The following SVEP1 variants were observed in gnomAD, a reference collection of about 807,000 sequenced individuals.
The protein encoded by SVEP1 is sushi, von Willebrand factor type A, EGF and pentraxin domain containing 1, also known as sushi, von Willebrand factor type A, EGF and pentraxin domain-containing protein 1.
A neutral mutation model predicts 367.3 loss-of-function variants in SVEP1; 164 were observed. That is an observed-to-expected ratio of 0.45 (90% CI 0.39 to 0.51). SVEP1 has a LOEUF of 0.51. Ranked by LOEUF, SVEP1 falls within the 20% of genes least tolerant of loss-of-function variation. The pLI, the probability that SVEP1 is intolerant of heterozygous loss-of-function variation, is 0.00. For missense variants in SVEP1, 4,117 were observed against 4,425.3 expected (o/e 0.93, Z 1.98); for synonymous variants, 1,666 against 1,611.6 (o/e 1.03, Z -0.81).
chr9:110,409,146 T>A (rs745323739), intron 37 of SVEP1, among the ~76,000 whole-genome samples, 195 bp from the exon 38 acceptor site: 25 of 152,110 alleles, frequency 1.6e-4, no homozygotes, highest in Admixed American at 7.2e-4. Flanking sequence ...TAGTAGAAAG[T>A]CAACTTAGGC....
At chr9:110,535,692 G>C (rs1411023399) in intron 3 of SVEP1, among the ~76,000 whole-genome samples, 2 of 152,068 alleles carry the variant, frequency 1.3e-5, no homozygotes, top group Non-Finnish European at 2.9e-5. Flanking sequence ...TTTGAGCAGT[G>C]TGTTGTCATT....
Position 110,427,468 on chromosome 9 carries a change from A to C in SVEP1, c.5975+123T>G, listed in dbSNP as rs1300359033. 4 of 1,167,434 alleles carry C rather than the reference A, an allele frequency of 3.4e-6. No homozygotes were observed. In the South Asian group the frequency reaches 6.2e-5, roughly 18 times the overall value. 72.3% of individuals were successfully genotyped at this position (1,167,434 alleles called of 1,614,324 possible). Reference sequence around the variant, plus strand: ...TCTGCAGGTAGGAAATAAAAGCATAAGGCTCTCTTTGTCTTTGGCTGCCAG... The same window carrying C: ...TCTGCAGGTAGGAAATAAAAGCATACGGCTCTCTTTGTCTTTGGCTGCCAG... On this transcript the variant is annotated intron_variant, in intron 36 of 47. Coordinates refer to ENST00000374469, the MANE Select transcript of SVEP1 (RefSeq NM_153366.4).
intron 37 of SVEP1, among the ~76,000 whole-genome samples, chr9:110,409,247 C>A (rs1828007418): frequency 6.6e-6 from 1 of 152,020 alleles, no homozygotes; most frequent in Admixed American, 6.6e-5. Context: ...ACCAGCCTGG[C>A]CAACATGGTG....
chr9:110,481,521 A>G, intron 11 of SVEP1, 85 bp from the exon 12 acceptor site: 1 of 988,260 alleles, frequency 1.0e-6, no homozygotes, highest in Non-Finnish European at 1.4e-6. Context: ...AATTTTGAAA[A>G]GGACTCCTCC....
chr9:110,451,031 GT>G (rs970548756), intron 23 of SVEP1, among the ~76,000 whole-genome samples: 1 of 151,970 alleles, frequency 6.6e-6, no homozygotes, highest in Non-Finnish European at 1.5e-5. Flanking sequence ...CTTCTTGAAA[GT>G]TTGCCTTTAC....
chr9:110,390,347 ACACTT>A (rs374353532), intron 40 of SVEP1, among the ~76,000 whole-genome samples: 4 of 44,950 alleles, frequency 8.9e-5, no homozygotes, highest in East Asian at 3.4e-4. Flanking sequence ...ATACTTATAT[ACACTT>A]ATATATATAT....
chr9:110,430,123 G>GGT (rs199699292), intron 33 of SVEP1, 119 bp from the exon 34 acceptor site: 196,135 of 905,790 alleles, frequency 0.22, 12,251 homozygotes, highest in African/African-American at 0.36. Context: ...TTTTTTTTTT[G>GGT]GTGTGTGTGT....
chr9:110,390,699 C>G (rs903527114), intron 40 of SVEP1, among the ~76,000 whole-genome samples: 4 of 151,908 alleles, frequency 2.6e-5, no homozygotes, highest in African/African-American at 4.8e-5. Flanking sequence ...TGGCTGCACA[C>G]ACGAATCACC....
intron 2 of SVEP1, among the ~76,000 whole-genome samples, chr9:110,549,102 T>TTA (rs1830253173): frequency 6.6e-6 from 1 of 152,182 alleles, no homozygotes; most frequent in Admixed American, 6.5e-5. Context: ...CAAGCCTAAT[T>TTA]TGCCATATCA....
intron 3 of SVEP1, among the ~76,000 whole-genome samples, chr9:110,529,577 C>T (rs7853098): frequency 0.68 from 102,969 of 151,512 alleles, 35,894 homozygotes; most frequent in Admixed American, 0.77. Flanking sequence ...GATGGTTCAC[C>T]TCCTTGGTTA....
intron 22 of SVEP1, among the ~76,000 whole-genome samples, chr9:110,454,978 CATAA>C (rs1828755995): frequency 6.6e-6 from 1 of 152,024 alleles, no homozygotes; most frequent in Non-Finnish European, 1.5e-5. Flanking sequence ...TTATTTAAGT[CATAA>C]ATAAAGACAA....
At chr9:110,370,097 T>G in intron 46 of SVEP1, 81 bp from the exon 47 acceptor site, 1 of 1,250,246 alleles carries the variant, frequency 8.0e-7, no homozygotes. Context: ...AGGATAAGAT[T>G]TGACTCTACT....
chr9:110,424,284 C>A (rs756690602), intron 36 of SVEP1, among the ~76,000 whole-genome samples: 1 of 151,942 alleles, frequency 6.6e-6, no homozygotes, highest in Non-Finnish European at 1.5e-5. Flanking sequence ...CTCGTTCTGA[C>A]AAGAAAATAC....
At chr9:110,405,793 C>A (rs1327537) in intron 38 of SVEP1, among the ~76,000 whole-genome samples, 148,428 of 152,320 alleles carry the variant, frequency 0.97, 72,357 homozygotes, top group African/African-American at 0.99. Context: ...TTGCATGTGT[C>A]AATATAATCA....
rs1325357619 is a variant in SVEP1 at position 110,412,030 on chromosome 9, G to C, written c.5976-295C>G. Among the ~76,000 whole-genome samples the C allele has an allele frequency of 4.6e-5, 7 of 152,066 alleles. No homozygotes were observed. The East Asian group carries it at 1.3e-3, about 29-fold the overall frequency. ...TATTGATCAAATGACTTGCATTTGA[G>C]ATATATCAATACATTGTGATATTAA... is the stretch of plus-strand genomic sequence containing the variant. On this transcript the variant is annotated intron_variant, in intron 36 of 47. Coordinates refer to ENST00000374469, the MANE Select transcript of SVEP1 (RefSeq NM_153366.4).
At chr9:110,432,266 A>T (rs1828362177) in intron 31 of SVEP1, among the ~76,000 whole-genome samples, 196 bp downstream of exon 31, 1 of 152,230 alleles carries the variant, frequency 6.6e-6, no homozygotes, top group Non-Finnish European at 1.5e-5. Flanking sequence ...TATAGTCTTA[A>T]TATGGAGCCT....
At chr9:110,494,756 G>GT (rs1022727129) in intron 8 of SVEP1, among the ~76,000 whole-genome samples, 7 of 150,858 alleles carry the variant, frequency 4.6e-5, no homozygotes, top group Admixed American at 3.3e-4. Flanking sequence ...ATATAGTGGG[G>GT]TTTTTTTCCC....
chr9:110,483,554 C>T (rs769514504), intron 10 of SVEP1, 32 bp downstream of exon 10: 8 of 1,524,012 alleles, frequency 5.2e-6, no homozygotes. Context: ...TTCATTGCTA[C>T]TATGCTGACA....
In SVEP1 at chr9:110,432,352, G is replaced by A. The variant is rs1588050402; in HGVS notation, c.5233+110C>T. 4 of 1,372,268 alleles carry A rather than the reference G, an allele frequency of 2.9e-6. No homozygotes were observed. In the East Asian group the frequency reaches 9.4e-5, roughly 32 times the overall value. The allele number at this position is 1,372,268 out of a possible 1,614,324, so 85.0% of individuals were successfully genotyped here. On this transcript the variant is annotated intron_variant, in intron 31 of 47. Coordinates refer to ENST00000374469, the MANE Select transcript of SVEP1 (RefSeq NM_153366.4). ...CTATGGCTTGGCCAGAGCTTACTGG[G>A]ATGAGATAAAGTTAACAAAGCAATG...
Sources: gnomAD v4.1 joint callset for allele counts (sites outside exome capture counted in the v4.1 genomes callset) on GRCh38, gnomAD v4.1.1 for gene constraint, MANE v1.5 for transcripts, NCBI Gene and HGNC (gene_info 2026-07-23, HGNC 2026-07-21) for gene names.